The following RYR1 variants were observed in gnomAD, a reference collection of about 807,000 sequenced individuals.
The protein encoded by RYR1 is central core disease of muscle.
In RYR1, 342 loss-of-function variants were observed where a neutral mutation model predicts 583.5. That is an observed-to-expected ratio of 0.59 (90% CI 0.54 to 0.64). RYR1 has a LOEUF of 0.64. Among genes scored for constraint, RYR1 ranks in the 30% least tolerant of loss-of-function variants. The pLI is 0.00. For missense variants in RYR1, 6,032 were observed against 6,917.2 expected (o/e 0.87, Z 4.54); for synonymous variants, 2,791 against 2,822.5 (o/e 0.99, Z 0.35).
At chr19:38,452,751 G>C in intron 12 of RYR1, 68 bp from the exon 13 acceptor site, 5 of 1,425,648 alleles carry the variant, frequency 3.5e-6, no homozygotes, top group African/African-American at 1.4e-5. Context: ...GCGGGAGTGA[G>C]GTTGCGGCAG....
chr19:38,473,298 CGT>C, intron 27 of RYR1, 77 bp from the exon 28 acceptor site: 1 of 1,552,506 alleles, frequency 6.4e-7, no homozygotes. Context: ...ATGGTGGCTC[CGT>C]GTGTGACCAG....
intron 57 of RYR1, among the ~76,000 whole-genome samples, chr19:38,507,375 G>A (rs1433457810): frequency 7.2e-6 from 1 of 139,532 alleles, no homozygotes; most frequent in Non-Finnish European, 1.6e-5. Flanking sequence ...CACAGGCGGG[G>A]CCAGAGAGGG....
intron 95 of RYR1, 119 bp from the exon 96 acceptor site, chr19:38,573,058 G>A: frequency 6.5e-7 from 1 of 1,528,420 alleles, no homozygotes; most frequent in Non-Finnish European, 9.0e-7. Flanking sequence ...CTTATCACTG[G>A]GAAAGCACTT....
rs557624321 is a variant in RYR1 at position 38,585,005 on chromosome 19, G to C, written c.14709G>C (p.Glu4903Asp). ...RAGGGIGDEI[E>D]DPAGDEYELY... ...GCGGAGGCATTGGGGACGAGATCGA[G>C]GACCCCGCGGGTGACGAATACGAGC... Residue 4903 changes from glutamate (E) to aspartate (D), a missense_variant, in exon 102 of 106, where the codon GAG becomes GAC. Glu to Asp is a conservative substitution (Grantham distance 45). This residue lies in a region of RYR1 where 189 missense variants were observed against 350.3 expected (regional missense o/e 0.54). Transcript: ENST00000359596. 3 of 1,614,056 alleles carry C rather than the reference G, an allele frequency of 1.9e-6. No individual in the cohort carries two copies. Among genetic ancestry groups the C allele is most frequent in the East Asian group, 2.2e-5 (1 of 44,870 alleles).
chr19:38,446,454 T>G lies in RYR1; in HGVS notation c.632-18T>G. The stretch of plus-strand genomic sequence containing the variant: ...GGCTCCAGCCTCCCATTGACCAACT[T>G]CCCTTGCTCCTCTCCAGGCTTCGTG... On this transcript the variant is annotated intron_variant, in intron 7 of 105. Transcript: ENST00000359596. 6.2e-7 allele frequency: 1 copy of G among 1,603,290 alleles called. No homozygotes were observed. Among genetic ancestry groups the G allele is most frequent in the South Asian group, 1.1e-5 (1 of 90,862 alleles).
Position 38,503,074 on chromosome 19 carries a change from T to A in RYR1, c.7926+104T>A, listed in dbSNP as rs563675416. ...TTTGTGTCGGCACTGCCCAGCCCAA[T>A]AAACCTGCACTAGTTAGGGCAGCGT... On this transcript the variant is annotated intron_variant, in intron 49 of 105. Coordinates refer to ENST00000359596, the MANE Select transcript of RYR1 (RefSeq NM_000540.3). The A allele has an allele frequency of 1.1e-5, 12 of 1,100,498 alleles. 1 individual carries two copies. In the South Asian group the frequency reaches 1.6e-4, roughly 14 times the overall value. The allele number at this position is 1,100,498 out of a possible 1,614,324, so 68.2% of individuals were successfully genotyped here. A position where few individuals can be genotyped will look rare whatever the true frequency, so the allele number is the denominator to read the frequency against.
intron 84 of RYR1, among the ~76,000 whole-genome samples, chr19:38,540,910 T>C (rs564508353): frequency 1.3e-5 from 2 of 148,816 alleles, no homozygotes; most frequent in Admixed American, 1.4e-4. Context: ...CCTCCAATCA[T>C]ATACTACAGT....
chr19:38,568,860 GAA>G (rs1394844216), intron 93 of RYR1, among the ~76,000 whole-genome samples: 76 of 152,220 alleles, frequency 5.0e-4, no homozygotes, highest in Non-Finnish European at 1.2e-4. Flanking sequence ...AAGGTGGAGA[GAA>G]AGAGGGAGAG....
At chr19:38,491,834 G>A (rs1969564829) in intron 37 of RYR1, among the ~76,000 whole-genome samples, 3 of 152,130 alleles carry the variant, frequency 2.0e-5, no homozygotes, top group South Asian at 2.1e-4. Context: ...ATATGCTGTT[G>A]AACCCCCCTA....
chr19:38,528,426 C>A lies in RYR1; in HGVS notation c.10937+8C>A. ...CCTGTACAACCTGCCCACGTAAGGC[C>A]CCCAGGGACAAGGGAAGCGTGAAGG... On this transcript the variant is annotated splice_region_variant and intron_variant, in intron 74 of 105. Coordinates refer to ENST00000359596, the MANE Select transcript of RYR1 (RefSeq NM_000540.3). The A allele has an allele frequency of 1.2e-6, 2 of 1,613,596 alleles. No individual in the cohort carries two copies. The highest frequency in any genetic ancestry group is 8.5e-7 in the Non-Finnish European group (1 of 1,179,552).
intron 25 of RYR1, among the ~76,000 whole-genome samples, chr19:38,468,091 T>TCCAA (rs1568464162): frequency 1.4e-5 from 2 of 143,872 alleles, no homozygotes; most frequent in Admixed American, 6.9e-5. Context: ...CATCCATCCA[T>TCCAA]CCAACCATCC....
rs1209307321 is a variant in RYR1 at position 38,443,794 on chromosome 19, C to T, written c.422C>T (p.Thr141Ile). ...AFDVGLQEDA[T>I]GEACWWTMHP... The stretch of plus-strand genomic sequence containing the variant: ...GATGTGGGACTGCAGGAGGACGCAA[C>T]AGGTGCAGCAGCTGGAGGGGATGGG... Residue 141 changes from threonine to isoleucine, a missense_variant and splice_region_variant, in exon 5 of 106, where the codon ACA becomes ATA. By Grantham distance (89) the Thr-to-Ile change is moderately conservative. Around this residue, in one of 11 missense-constraint regions of RYR1, gnomAD observed 338 missense variants for 441.6 expected, o/e 0.77. Coordinates refer to ENST00000359596, the MANE Select transcript of RYR1 (RefSeq NM_000540.3). 1.2e-6 allele frequency: 2 copies of T among 1,613,966 alleles called. No homozygotes were observed. The highest frequency in any genetic ancestry group is 1.7e-6 in the Non-Finnish European group (2 of 1,179,988).
intron 33 of RYR1, among the ~76,000 whole-genome samples, chr19:38,484,947 G>C (rs1184156148): frequency 6.6e-6 from 1 of 151,990 alleles, no homozygotes; most frequent in Non-Finnish European, 1.5e-5. Flanking sequence ...CTCTAGCCTG[G>C]GCAACAGAGC....
At chr19:38,502,819 G>GGGGAGGGGGAGA in intron 48 of RYR1, 61 bp from the exon 49 acceptor site, 1 of 1,523,464 alleles carries the variant, frequency 6.6e-7, no homozygotes. Context: ...GGAGGAGCAG[G>GGGGAGGGGGAGA]GGCAGGGGCA....
Position 38,516,172 on chromosome 19 carries a change from A to G in RYR1, c.9640A>G (p.Asn3214Asp), listed in dbSNP as rs377541724. 59 of 1,565,878 alleles carry G rather than the reference A, an allele frequency of 3.8e-5. No homozygotes were observed. Among genetic ancestry groups the G allele is most frequent in the Non-Finnish European group, 4.6e-5 (53 of 1,155,082 alleles). The change falls in exon 65 of 106, where the codon AAC becomes GAC. Residue 3214 changes from asparagine to aspartate, a missense_variant. Physicochemically the swap from Asn to Asp is conservative, Grantham distance 23. Transcript: ENST00000359596. ...CCTGGAGCCGCAGCTGAACGAGTACAACGCCTGCTCCGTGTACACCACCAA... is the reference window on the plus strand; with the variant it reads ...CCTGGAGCCGCAGCTGAACGAGTACGACGCCTGCTCCGTGTACACCACCAA... The part of the protein sequence containing the change: ...AFLEPQLNEY[N>D]ACSVYTTKSP...
rs186460831 is a variant in RYR1, at chr19:38,528,715, G to T, written c.11034+20G>T. 1,145 of 1,612,464 alleles carry T rather than the reference G, an allele frequency of 7.1e-4. 10 individuals carry two copies. In the African/African-American group the frequency reaches 0.013, roughly 19 times the overall value. ...CTTTCAGTGAGCTGGGACCCGCCTGGGGGAGTGGGGGGCGAGCTGGATAGG... is the reference window on the plus strand; with the variant it reads ...CTTTCAGTGAGCTGGGACCCGCCTGTGGGAGTGGGGGGCGAGCTGGATAGG... On this transcript the variant is annotated intron_variant, in intron 75 of 105. Coordinates refer to ENST00000359596, the MANE Select transcript of RYR1 (RefSeq NM_000540.3).
rs1262844197 is a variant in RYR1, at chr19:38,483,394, G to A, written c.4812G>A (p.Trp1604Ter). Reference sequence around the variant, plus strand: ...TGCAGATGCTGATGCCAGTGTCCTGGAGCCGCATGCCCAACCACTTCCTGC... The same window carrying A: ...TGCAGATGCTGATGCCAGTGTCCTGAAGCCGCATGCCCAACCACTTCCTGC... ...LEMQMLMPVSWSRMPNHFLQV... is the reference protein window; with the variant it reads ...LEMQMLMPVS The change falls in exon 33 of 106, where the codon TGG becomes TGA. Residue 1604 changes from tryptophan to a stop codon, truncating the protein, a stop_gained. Transcript: ENST00000359596. LOFTEE classifies it high-confidence loss of function. This position sits in a 1 kb window ranked among gnomAD's most constrained non-coding sequence, Gnocchi z 6.3. 6.4e-7 allele frequency: 1 copy of A among 1,569,542 alleles called. No homozygotes were observed. The highest frequency in any genetic ancestry group is 8.6e-7 in the Non-Finnish European group (1 of 1,158,444).
Position 38,468,556 on chromosome 19 carries a change from T to G in RYR1, c.3382-410T>G, listed in dbSNP as rs7258075. Among the ~76,000 whole-genome samples, 17,049 of 152,230 alleles carry G rather than the reference T, an allele frequency of 0.11. 1,074 individuals carry two copies. Among genetic ancestry groups the G allele is most frequent in the South Asian group, 0.18 (882 of 4,820 alleles). ...AGCCATGTACCCAATTTCTCATCCATCTATCTGTCTCATTAGCCACTCATC... is the reference window on the plus strand; with the variant it reads ...AGCCATGTACCCAATTTCTCATCCAGCTATCTGTCTCATTAGCCACTCATC... On this transcript the variant is annotated intron_variant, in intron 25 of 105. Transcript: ENST00000359596.
chr19:38,550,815 T>TA (rs1972632580), intron 89 of RYR1, among the ~76,000 whole-genome samples: 1 of 152,078 alleles, frequency 6.6e-6, no homozygotes, highest in African/African-American at 2.4e-5. Flanking sequence ...GCTATGTAAA[T>TA]ATTCTGCTAA....
Sources: allele counts gnomAD v4.1 joint callset (sites outside exome capture counted in the v4.1 genomes callset), GRCh38; gene constraint gnomAD v4.1.1; regional missense constraint gnomAD v4.1.1; non-coding constraint Gnocchi (gnomAD v3.1); transcripts MANE v1.5; gene names NCBI Gene and HGNC (gene_info 2026-07-23, HGNC 2026-07-21).